PTCH1: variants seen among roughly 807,000 people sequenced by gnomAD.
PTCH1 encodes protein patched homolog 1.
In PTCH1, 14 loss-of-function variants were observed where a neutral mutation model predicts 144.6. That is an observed-to-expected ratio of 0.10 (90% confidence interval 0.06 to 0.15). PTCH1 has a LOEUF of 0.15. PTCH1 is among the 10% of genes least tolerant of loss of function. PTCH1 has a pLI of 1.00. For missense variants in PTCH1, 1,623 were observed against 1,948.3 expected (o/e 0.83, Z 3.14); for synonymous variants, 833 against 793.6 (o/e 1.05, Z -0.83).
In PTCH1 at chr9:95,444,465, G is replaced by C. The variant is rs919154216; in HGVS notation, c.*1928C>G. The C allele has an allele frequency of 1.3e-5, 2 of 153,532 alleles. No individual in the cohort carries two copies. The highest frequency in any genetic ancestry group is 2.9e-5 in the Non-Finnish European group (2 of 69,258). 9.5% of individuals were successfully genotyped at this position (153,532 alleles called of 1,614,324 possible). A position where few individuals can be genotyped will look rare whatever the true frequency, so the allele number is the denominator to read the frequency against. ...GACAGGCACCAAGACAGCAGCAGGGGGGTGGCCAGGGTCCCCAGCAGAGAC... is the reference window on the plus strand; with the variant it reads ...GACAGGCACCAAGACAGCAGCAGGGCGGTGGCCAGGGTCCCCAGCAGAGAC... On this transcript the variant is annotated 3_prime_UTR_variant, in exon 24 of 24. Transcript: ENST00000331920.
chr9:95,486,754 TCCTTAGGC>T (rs560073401), intron 2 of PTCH1, among the ~76,000 whole-genome samples: 1 of 152,328 alleles, frequency 6.6e-6, no homozygotes, highest in African/African-American at 2.4e-5. Flanking sequence ...CCTTTTTACA[TCCTTAGGC>T]CCAAGGTTAT....
chr9:95,508,248 C>T lies in PTCH1; in HGVS notation c.114G>A (p.Gly38=), dbSNP rs1422694536. ...GGTCCGGCGCGGCAGCACGGCGCAGCCCCCCCGTCCGTCTGCGCCTCCCGC... is the reference window on the plus strand; with the variant it reads ...GGTCCGGCGCGGCAGCACGGCGCAGTCCCCCCGTCCGTCTGCGCCTCCCGC... ...AGGGRRRRTG[G]LRRAAAPDRD... is the part of the protein sequence containing the mutation. Residue 38 remains glycine (G), a synonymous_variant, in exon 1 of 24, where the codon GGG becomes GGA. Transcript: ENST00000331920. 9 of 1,601,578 alleles carry T rather than the reference C, an allele frequency of 5.6e-6. No individual in the cohort carries two copies. The highest frequency in any genetic ancestry group is 2.3e-5 in the East Asian group (1 of 44,332).
rs775905392 is a variant in PTCH1, at chr9:95,478,046, G to A, written c.1347+9C>T. 13 of 1,613,984 alleles carry A rather than the reference G, an allele frequency of 8.1e-6. No homozygotes were observed. Among genetic ancestry groups the A allele is most frequent in the East Asian group, 4.5e-5 (2 of 44,892 alleles). On this transcript the variant is annotated intron_variant, in intron 9 of 23. Coordinates refer to ENST00000331920, the MANE Select transcript of PTCH1 (RefSeq NM_000264.5). ...CTCCAGCCCCCAGGAGCATGGCATC[G>A]AGCGTTACCATGAGTAAGTAGCCGC...
chr9:95,468,602 T>C (rs999496975), intron 14 of PTCH1, 149 bp downstream of exon 14: 13 of 1,050,382 alleles, frequency 1.2e-5, no homozygotes, highest in Admixed American at 2.0e-5. Context: ...TCTAAAAGCA[T>C]TGACTTTTGG....
chr9:95,453,204 C>T, intron 20 of PTCH1: 2 of 429,696 alleles, frequency 4.7e-6, no homozygotes, highest in East Asian at 1.0e-4. Context: ...GCAATCTCAG[C>T]TCACTGCAAC....
chr9:95,446,813 G>A (rs570317228), intron 23 of PTCH1, 98 bp downstream of exon 23: 13 of 1,520,936 alleles, frequency 8.5e-6, no homozygotes, highest in Middle Eastern at 4.7e-4. Flanking sequence ...GTGCCCGAGC[G>A]CCACAGCCCC....
chr9:95,460,528 G>C (rs1372241014), intron 16 of PTCH1, among the ~76,000 whole-genome samples: 1 of 152,162 alleles, frequency 6.6e-6, no homozygotes, highest in Non-Finnish European at 1.5e-5. Flanking sequence ...CTCATTCCTC[G>C]CTTTGGGTCT....
chr9:95,460,763 T>C (rs1277041205), intron 16 of PTCH1, among the ~76,000 whole-genome samples: 2 of 152,070 alleles, frequency 1.3e-5, no homozygotes, highest in African/African-American at 4.8e-5. Context: ...GAGGAGGAAA[T>C]GGTATCTGGG....
At chr9:95,502,708 T>C (rs1016645947) in intron 2 of PTCH1, among the ~76,000 whole-genome samples, 4 of 152,290 alleles carry the variant, frequency 2.6e-5, no homozygotes, top group Non-Finnish European at 4.4e-5. Flanking sequence ...CACCAATTCC[T>C]ACACACGCAC....
chr9:95,508,796 A>G lies in PTCH1; in HGVS notation c.-435T>C. 1 of 981,046 alleles carries G rather than the reference A, an allele frequency of 1.0e-6. No individual in the cohort carries two copies. The highest frequency in any genetic ancestry group is 1.8e-5 in the African/African-American group (1 of 56,492). 60.8% of individuals were successfully genotyped at this position (981,046 alleles called of 1,614,324 possible). A position where few individuals can be genotyped will look rare whatever the true frequency, so the allele number is the denominator to read the frequency against. On this transcript the variant is annotated 5_prime_UTR_variant, in exon 1 of 24. Coordinates refer to ENST00000331920, the MANE Select transcript of PTCH1 (RefSeq NM_000264.5). ...CCCTTCACTGCAGAAAGAGCCAGCG[A>G]ATCCCCGCTGCTCCCGCCGGCCGCG...
intron 12 of PTCH1, among the ~76,000 whole-genome samples, chr9:95,473,364 A>G (rs1339152256): frequency 6.6e-6 from 1 of 152,110 alleles, no homozygotes; most frequent in African/African-American, 2.4e-5. Context: ...GCATCTTGCA[A>G]ATATAAACAC....
In PTCH1 at chr9:95,506,327, G is replaced by A; in HGVS notation, c.394+80C>T. On this transcript the variant is annotated intron_variant, in intron 2 of 23. Coordinates refer to ENST00000331920, the MANE Select transcript of PTCH1 (RefSeq NM_000264.5). ...TTTCGCCGGCCGCAGCCAGGCTCTA[G>A]GTGTGCGCTGGCGAATATCTCTATC... 8 of 1,483,734 alleles carry A rather than the reference G, an allele frequency of 5.4e-6. No individual in the cohort carries two copies. The South Asian group carries it at 8.3e-5, about 15-fold the overall frequency. 91.9% of individuals were successfully genotyped at this position (1,483,734 alleles called of 1,614,324 possible). A position where few individuals can be genotyped will look rare whatever the true frequency, so the allele number is the denominator to read the frequency against.
At chr9:95,511,468 G>A (rs565384444), upstream of PTCH1, among the ~76,000 whole-genome samples, 8 of 152,342 alleles carry the variant, frequency 5.3e-5, no homozygotes, top group South Asian at 1.2e-3. Context: ...AGAGGGAGAC[G>A]GGGTGGAGGT....
chr9:95,470,875 A>G (rs1397047260), intron 12 of PTCH1, among the ~76,000 whole-genome samples: 1 of 152,094 alleles, frequency 6.6e-6, no homozygotes, highest in African/African-American at 2.4e-5. Context: ...GGATCTCCTG[A>G]TCAAGACTAT....
intron 2 of PTCH1, among the ~76,000 whole-genome samples, chr9:95,492,712 C>T (rs113836706): frequency 7.9e-5 from 12 of 151,822 alleles, no homozygotes; most frequent in South Asian, 4.2e-4. Context: ...ACCTGTATTA[C>T]GCTCACAGCT....
At chr9:95,514,337 A>G (rs1034553222) in intron 1 of PTCH1, 10 of 152,190 alleles carry the variant, frequency 6.6e-5, no homozygotes, top group African/African-American at 2.4e-4. Flanking sequence ...TCCCTGTCTA[A>G]TATATCTCTA....
At chr9:95,497,746 T>A (rs2118759330) in intron 2 of PTCH1, among the ~76,000 whole-genome samples, 1 of 152,318 alleles carries the variant, frequency 6.6e-6, no homozygotes, top group African/African-American at 2.4e-5. Flanking sequence ...CCAAGCCACA[T>A]CTTGATTTGT....
At position 95,480,492 on chromosome 9, in the gene PTCH1, C is replaced by A. The variant is rs2118420144; in HGVS notation, c.843G>T (p.Met281Ile). The A allele has an allele frequency of 6.2e-7, 1 of 1,612,990 alleles. No individual in the cohort carries two copies. Residue 281 changes from methionine (M) to isoleucine (I), a missense_variant, in exon 6 of 24, where the codon ATG becomes ATT. By Grantham distance (10) the Met-to-Ile change is conservative. Around this residue, in one of 7 missense-constraint regions of PTCH1, gnomAD observed 230 missense variants for 271.0 expected, o/e 0.85. Transcript: ENST00000331920. ...CATGACCAACCTCAGCCTTATTCAG[C>A]ATTTCCTCCCAGCTGTCCACTTGAT... The part of the protein sequence containing the change: ...INYQVDSWEE[M>I]LNKAEVGHGY...
chr9:95,512,294 A>G (rs1385415856), upstream of PTCH1, among the ~76,000 whole-genome samples: 1 of 152,034 alleles, frequency 6.6e-6, no homozygotes, highest in African/African-American at 2.4e-5. Context: ...ATCTCAGACA[A>G]TGGTCCCGGC....
Sources: gnomAD v4.1 joint callset for allele counts (sites outside exome capture counted in the v4.1 genomes callset) on GRCh38, gnomAD v4.1.1 for gene constraint, gnomAD v4.1.1 regional missense constraint, MANE v1.5 for transcripts, NCBI Gene and HGNC (gene_info 2026-07-23, HGNC 2026-07-21) for gene names.